Variants in CRYL1 observed in about 807,000 individuals in gnomAD.
CRYL1 encodes lambda-crystallin homolog.
A neutral mutation model predicts 36.6 loss-of-function variants in CRYL1; 29 were observed. The observed-to-expected ratio is 0.79, with a 90% CI of 0.59 to 1.08. The LOEUF (loss-of-function observed/expected upper bound fraction) is 1.08, where lower values mean the gene tolerates loss of function less well. Among genes scored for constraint, CRYL1 ranks in the 50% least tolerant of loss-of-function variants. The pLI is 0.00. For missense variants in CRYL1, 411 were observed against 407.9 expected, an observed-to-expected ratio of 1.01 and a Z score of -0.06; for synonymous variants, 152 against 151.5, an observed-to-expected ratio of 1.00 and a Z score of -0.02.
intron 3 of CRYL1, among the ~76,000 whole-genome samples, chr13:20,458,977 T>A (rs1348570359): frequency 6.6e-6 from 1 of 152,230 alleles, no homozygotes; most frequent in Non-Finnish European, 1.5e-5. Context: ...CCACCACGCC[T>A]GTAATCCCAG....
At chr13:20,494,123 T>C (rs1242925889) in intron 2 of CRYL1, among the ~76,000 whole-genome samples, 1 of 152,210 alleles carries the variant, frequency 6.6e-6, no homozygotes, top group African/African-American at 2.4e-5. Flanking sequence ...TGGCTAAGCC[T>C]TGGAGTCAAC....
Position 20,404,068 on chromosome 13 carries a change from G to T in CRYL1, c.*61C>A. 1.7e-6 allele frequency: 2 copies of T among 1,174,280 alleles called. No homozygotes were observed. Among genetic ancestry groups the T allele is most frequent in the Non-Finnish European group, 2.6e-6 (2 of 782,742 alleles). 72.7% of individuals were successfully genotyped at this position (1,174,280 alleles called of 1,614,324 possible). On this transcript the variant is annotated 3_prime_UTR_variant, in exon 8 of 8. Transcript: ENST00000298248. ...CTATGTCACAGAGGGCTGATTAAGG[G>T]CTTGCAGTGTTCCCAAATAGGGCCT...
chr13:20,511,216 C>T (rs1371054323), intron 2 of CRYL1, among the ~76,000 whole-genome samples: 2 of 152,048 alleles, frequency 1.3e-5, no homozygotes, highest in Non-Finnish European at 2.9e-5. Context: ...TCCCGAGTAG[C>T]TAGGACTACT....
chr13:20,413,552 G>T (rs1347692594), intron 5 of CRYL1, among the ~76,000 whole-genome samples, 165 bp from the exon 6 acceptor site: 1 of 152,184 alleles, frequency 6.6e-6, no homozygotes, highest in South Asian at 2.1e-4. Context: ...ACATGTTTTG[G>T]ATGGCTGATA....
At chr13:20,409,351 A>C (rs569812555) in intron 6 of CRYL1, among the ~76,000 whole-genome samples, 4,334 of 152,082 alleles carry the variant, frequency 0.028, 101 homozygotes, top group Non-Finnish European at 0.041. Flanking sequence ...AAATCAATTC[A>C]AGATGGATTA....
At chr13:20,432,470 AG>A (rs2032091920) in intron 4 of CRYL1, among the ~76,000 whole-genome samples, 174 bp from the exon 5 acceptor site, 1 of 152,124 alleles carries the variant, frequency 6.6e-6, no homozygotes, top group African/African-American at 2.4e-5. Flanking sequence ...AGAGAGAAAA[AG>A]GGAACCTGAT....
intron 5 of CRYL1, among the ~76,000 whole-genome samples, chr13:20,418,121 T>C (rs1042099754): frequency 6.6e-6 from 1 of 152,192 alleles, no homozygotes; most frequent in African/African-American, 2.4e-5. Context: ...GGCCTTTCAA[T>C]GGACTGGATT....
At chr13:20,442,381 A>T (rs964918037) in intron 3 of CRYL1, among the ~76,000 whole-genome samples, 3 of 152,186 alleles carry the variant, frequency 2.0e-5, no homozygotes, top group Non-Finnish European at 4.4e-5. Context: ...GGTTATAAGG[A>T]TGCTGTCCAT....
At chr13:20,511,337 C>T (rs2137508534) in intron 2 of CRYL1, among the ~76,000 whole-genome samples, 1 of 152,142 alleles carries the variant, frequency 6.6e-6, no homozygotes, top group Non-Finnish European at 1.5e-5. Flanking sequence ...AATGATCCTC[C>T]CACCTCAGCC....
At chr13:20,483,422 T>C (rs749124215) in intron 3 of CRYL1, among the ~76,000 whole-genome samples, 10 of 151,640 alleles carry the variant, frequency 6.6e-5, no homozygotes, top group South Asian at 4.2e-4. Flanking sequence ...CTCCGCCTCC[T>C]GGGTTCACGC....
At chr13:20,523,141 C>T (rs1290986801) in intron 1 of CRYL1, among the ~76,000 whole-genome samples, 1 of 151,824 alleles carries the variant, frequency 6.6e-6, no homozygotes, top group African/African-American at 2.4e-5. Context: ...GGTCTCGAAC[C>T]CCTGACCTCA....
At chr13:20,468,674 C>T (rs919856834) in intron 3 of CRYL1, among the ~76,000 whole-genome samples, 7 of 152,088 alleles carry the variant, frequency 4.6e-5, no homozygotes, top group East Asian at 1.9e-4. Flanking sequence ...GGCACAATCT[C>T]GGCTCACTGC....
At chr13:20,405,533 T>C (rs1477388035) in intron 6 of CRYL1, among the ~76,000 whole-genome samples, 2 of 152,248 alleles carry the variant, frequency 1.3e-5, no homozygotes, top group East Asian at 1.9e-4. Flanking sequence ...CAGATCTCAG[T>C]TAGCACTGTA....
intron 3 of CRYL1, chr13:20,473,126 G>A (rs1054778193): frequency 6.6e-6 from 1 of 152,256 alleles, no homozygotes; most frequent in Non-Finnish European, 1.5e-5. Context: ...AAATTAGTCT[G>A]CAATCTAATT....
chr13:20,475,556 G>T (rs879864059), intron 3 of CRYL1, among the ~76,000 whole-genome samples: 1 of 152,176 alleles, frequency 6.6e-6, no homozygotes, highest in Non-Finnish European at 1.5e-5. Context: ...CGGGGGTGTC[G>T]TGAGGACTGA....
intron 3 of CRYL1, among the ~76,000 whole-genome samples, chr13:20,468,411 G>A (rs2032986527): frequency 6.6e-6 from 1 of 151,934 alleles, no homozygotes; most frequent in Admixed American, 6.6e-5. Context: ...ACAGATGCAT[G>A]CCACCACACT....
intron 3 of CRYL1, among the ~76,000 whole-genome samples, chr13:20,458,770 G>A (rs2032739534): frequency 6.6e-6 from 1 of 152,196 alleles, no homozygotes; most frequent in Non-Finnish European, 1.5e-5. Flanking sequence ...TTCTGCAGCA[G>A]CCTTATGCCT....
In CRYL1 at chr13:20,482,319, C is replaced by T. The variant is rs533288674; in HGVS notation, c.276+7051G>A. Reference sequence around the variant, plus strand: ...GTGTAAGGAAACCCCATTTAAACTTCGTAACTCTATAAATCATTCCCATGG... The same window carrying T: ...GTGTAAGGAAACCCCATTTAAACTTTGTAACTCTATAAATCATTCCCATGG... On this transcript the variant is annotated intron_variant, in intron 3 of 7. Coordinates refer to ENST00000298248, the MANE Select transcript of CRYL1 (RefSeq NM_015974.3). Among the ~76,000 whole-genome samples, 10 of 152,258 alleles carry T rather than the reference C, an allele frequency of 6.6e-5. No homozygotes were observed. The South Asian group carries it at 2.1e-3, about 32-fold the overall frequency.
chr13:20,416,773 G>C (rs2031678165), intron 5 of CRYL1, among the ~76,000 whole-genome samples: 1 of 152,136 alleles, frequency 6.6e-6, no homozygotes, highest in Non-Finnish European at 1.5e-5. Flanking sequence ...TCAAGAGTAG[G>C]TCCTTTTTGG....
Sources: gnomAD v4.1 joint callset for allele counts (sites outside exome capture counted in the v4.1 genomes callset) on GRCh38, gnomAD v4.1.1 for gene constraint, MANE v1.5 for transcripts, NCBI Gene and HGNC (gene_info 2026-07-23, HGNC 2026-07-21) for gene names.